E2F3: variants seen among roughly 807,000 people sequenced by gnomAD.
The protein encoded by E2F3 is E2F transcription factor 3.
Under a neutral mutation model 44.4 loss-of-function variants are expected in E2F3, and 11 were observed. The ratio of observed to expected loss-of-function variants is 0.25; its 90% CI spans 0.16 to 0.41. E2F3 has a LOEUF of 0.41. Ranked by LOEUF, E2F3 falls within the 10% of genes least tolerant of loss-of-function variation. The pLI is 1.00. For synonymous variants in E2F3, 249 were observed against 253.0 expected (o/e 0.98, Z 0.15); for missense variants, 487 against 583.6 (o/e 0.83, Z 1.70).
chr6:20,448,040 G>A (rs1761006877), intron 1 of E2F3, among the ~76,000 whole-genome samples: 1 of 152,178 alleles, frequency 6.6e-6, no homozygotes, highest in Non-Finnish European at 1.5e-5. Context: ...ACAATAGGCA[G>A]GATATTAAAC....
At chr6:20,486,910 A>ATGG in intron 5 of E2F3, 107 bp downstream of exon 5, 1 of 677,658 alleles carries the variant, frequency 1.5e-6, no homozygotes, top group Non-Finnish European at 2.5e-6. Flanking sequence ...TATGAACTTG[A>ATGG]TGGTTCTTTC....
At chr6:20,461,399 C>T (rs370999848) in intron 1 of E2F3, among the ~76,000 whole-genome samples, 23 of 152,156 alleles carry the variant, frequency 1.5e-4, no homozygotes, top group South Asian at 4.1e-4. Flanking sequence ...GAGGCTGAGG[C>T]GGGAGAATGG....
chr6:20,472,615 A>G (rs1445995176), intron 1 of E2F3, among the ~76,000 whole-genome samples: 1 of 152,118 alleles, frequency 6.6e-6, no homozygotes, highest in Non-Finnish European at 1.5e-5. Flanking sequence ...TCAGTGAACC[A>G]TGATCACACC....
intron 1 of E2F3, among the ~76,000 whole-genome samples, chr6:20,432,246 A>G (rs1581594081): frequency 6.6e-6 from 1 of 152,126 alleles, no homozygotes; most frequent in Admixed American, 6.5e-5. Flanking sequence ...AAACTCTTCC[A>G]TCTTGTATAG....
intron 1 of E2F3, among the ~76,000 whole-genome samples, chr6:20,419,695 AGCTGGACTACAGGCGCAC>A (rs577334023): frequency 0.026 from 3,934 of 150,858 alleles, 174 homozygotes; most frequent in African/African-American, 0.09. Context: ...CCTCCCCAGT[AGCTGGACTACAGGCGCAC>A]GCCACCATGG....
chr6:20,471,367 G>A (rs1204576345), intron 1 of E2F3, among the ~76,000 whole-genome samples: 1 of 152,196 alleles, frequency 6.6e-6, no homozygotes, highest in African/African-American at 2.4e-5. Context: ...TGCATCACCT[G>A]AGGTCAGGAG....
chr6:20,415,242 T>C (rs1262277875), intron 1 of E2F3, among the ~76,000 whole-genome samples: 1 of 152,114 alleles, frequency 6.6e-6, no homozygotes, highest in Non-Finnish European at 1.5e-5. Context: ...TTTTCTTCAA[T>C]AACTAAGAAA....
chr6:20,489,229 T>C (rs983556105), intron 6 of E2F3, among the ~76,000 whole-genome samples: 2 of 152,226 alleles, frequency 1.3e-5, no homozygotes, highest in Admixed American at 6.5e-5. Context: ...AGGCCATCTT[T>C]CTTCACCACA....
chr6:20,403,724 C>T lies in E2F3; in HGVS notation c.393+1099C>T, dbSNP rs1759390791. ...CTCCCCACCCCCCCACCGGCGCCCG[C>T]CCTCGCCCTGCGCCGCCGGTCTGTT... On this transcript the variant is annotated intron_variant, in intron 1 of 6. Coordinates refer to ENST00000346618, the MANE Select transcript of E2F3 (RefSeq NM_001949.5). 4.6e-6 allele frequency: 6 copies of T among 1,311,466 alleles called. No individual in the cohort carries two copies. In the Admixed American group the frequency reaches 1.2e-4, roughly 27 times the overall value. 81.2% of individuals were successfully genotyped at this position (1,311,466 alleles called of 1,614,324 possible).
intron 1 of E2F3, among the ~76,000 whole-genome samples, chr6:20,450,297 T>C (rs1761086929): frequency 6.6e-6 from 1 of 152,150 alleles, no homozygotes; most frequent in Non-Finnish European, 1.5e-5. Context: ...GTTTTTTGAT[T>C]GTTTAATAAT....
chr6:20,432,308 A>G (rs1039919549), intron 1 of E2F3, among the ~76,000 whole-genome samples: 1 of 152,226 alleles, frequency 6.6e-6, no homozygotes, highest in Non-Finnish European at 1.5e-5. Context: ...CATGGAGGCC[A>G]TGGTGTTCGT....
In E2F3 at chr6:20,458,351, C is replaced by T. The variant is rs777345951; in HGVS notation, c.394-21495C>T. Among the ~76,000 whole-genome samples the T allele has an allele frequency of 2.9e-4, 44 of 151,924 alleles. 1 individual carries two copies. Among genetic ancestry groups the T allele is most frequent in the Non-Finnish European group, 1.9e-4 (13 of 68,008 alleles). On this transcript the variant is annotated intron_variant, in intron 1 of 6. Coordinates refer to ENST00000346618, the MANE Select transcript of E2F3 (RefSeq NM_001949.5). ...AAGAGAAGACTCATATCTTGTCTTC[C>T]CCATACCGAGGGGTCTTTAACCCCT... is the stretch of plus-strand genomic sequence containing the variant.
chr6:20,482,752 G>C lies in E2F3; in HGVS notation c.726-10G>C. 1 of 1,589,850 alleles carries C rather than the reference G, an allele frequency of 6.3e-7. No homozygotes were observed. The highest frequency in any genetic ancestry group is 1.1e-5 in the South Asian group (1 of 87,782). On this transcript the variant is annotated splice_polypyrimidine_tract_variant and intron_variant, in intron 3 of 6. Coordinates refer to ENST00000346618, the MANE Select transcript of E2F3 (RefSeq NM_001949.5). ...GAGTAGCCATGAAGAGTCTGTGTTT[G>C]GGTTTCTAGGGGCTGCAGTCTGTCT...
At chr6:20,416,415 T>A (rs1759847049) in intron 1 of E2F3, among the ~76,000 whole-genome samples, 1 of 152,210 alleles carries the variant, frequency 6.6e-6, no homozygotes, top group Non-Finnish European at 1.5e-5. Flanking sequence ...CAGACAAAAT[T>A]CCCTGCCTCT....
chr6:20,403,506 C>T (rs1264952060), intron 1 of E2F3, among the ~76,000 whole-genome samples: 2 of 152,064 alleles, frequency 1.3e-5, no homozygotes, highest in Non-Finnish European at 2.9e-5. Context: ...CTGTCCCTCT[C>T]TCCGGGACCC....
intron 1 of E2F3, among the ~76,000 whole-genome samples, chr6:20,474,636 C>G (rs1470116642): frequency 6.6e-6 from 1 of 152,180 alleles, no homozygotes; most frequent in Non-Finnish European, 1.5e-5. Context: ...GTGCTCAGCC[C>G]AGGGCAGGGT....
At chr6:20,473,975 A>G (rs1218490223) in intron 1 of E2F3, among the ~76,000 whole-genome samples, 5 of 152,190 alleles carry the variant, frequency 3.3e-5, no homozygotes, top group Non-Finnish European at 7.3e-5. Flanking sequence ...AGACTAATAG[A>G]AACTAAGAAC....
In E2F3 at chr6:20,490,585, A is replaced by AT. The variant is rs1391813139; in HGVS notation, c.*161dup. 1 of 801,124 alleles carries AT rather than the reference A, an allele frequency of 1.2e-6. No homozygotes were observed. The highest frequency in any genetic ancestry group is 1.8e-5 in the African/African-American group (1 of 55,504). The allele number at this position is 801,124 out of a possible 1,614,324, so 49.6% of individuals were successfully genotyped here. On this transcript the variant is annotated 3_prime_UTR_variant, in exon 7 of 7. Coordinates refer to ENST00000346618, the MANE Select transcript of E2F3 (RefSeq NM_001949.5). The surrounding 1 kb of genome is among the most constrained non-coding windows in gnomAD (Gnocchi z 4.3). ...CAGAAGAAAGCTGACATTTTAATGA[A>AT]TTTTTTAAAAAATTAATAAACAAAT...
intron 1 of E2F3, chr6:20,445,067 T>G (rs1455193991): frequency 2.0e-6 from 2 of 985,430 alleles, no homozygotes; most frequent in South Asian, 9.4e-5. Flanking sequence ...ACACCCTGAG[T>G]GTCAAGTTCC....
Sources: allele counts gnomAD v4.1 joint callset (sites outside exome capture counted in the v4.1 genomes callset), GRCh38; gene constraint gnomAD v4.1.1; non-coding constraint Gnocchi (gnomAD v3.1); transcripts MANE v1.5; gene names NCBI Gene and HGNC (gene_info 2026-07-23, HGNC 2026-07-21).